FLRT1: variants seen among roughly 807,000 people sequenced by gnomAD.
FLRT1 encodes the protein fibronectin leucine rich transmembrane protein 1.
In FLRT1, 14 loss-of-function variants were observed where a neutral mutation model predicts 30.9. The observed-to-expected ratio is 0.45, with a 90% CI of 0.30 to 0.71. FLRT1 has a LOEUF of 0.71. FLRT1 is among the 30% of genes least tolerant of loss of function. The pLI, the probability that FLRT1 is intolerant of heterozygous loss-of-function variation, is 0.08. For missense variants in FLRT1, 737 were observed against 949.2 expected (o/e 0.78, Z 2.94); for synonymous variants, 368 against 430.4 (o/e 0.85, Z 1.80).
At chr11:64,062,473 A>C (rs1271709602) in intron 1 of FLRT1, among the ~76,000 whole-genome samples, 1 of 152,188 alleles carries the variant, frequency 6.6e-6, no homozygotes, top group Non-Finnish European at 1.5e-5. Flanking sequence ...GGCTGCAGGA[A>C]GCATCACAGA....
intron 1 of FLRT1, among the ~76,000 whole-genome samples, chr11:64,047,170 AC>A (rs1317851987): frequency 7.9e-5 from 12 of 151,636 alleles, no homozygotes; most frequent in Admixed American, 2.0e-4. Flanking sequence ...GCCTGCCTCC[AC>A]CCACCTGTGG....
chr11:64,114,462 T>C (rs988321892), intron 2 of FLRT1, among the ~76,000 whole-genome samples: 10 of 148,998 alleles, frequency 6.7e-5, no homozygotes, highest in Admixed American at 1.3e-4. Context: ...AATGGATGGA[T>C]AGATGGATGG....
intron 1 of FLRT1, among the ~76,000 whole-genome samples, chr11:64,080,528 A>G (rs1590879073): frequency 6.6e-6 from 1 of 152,340 alleles, no homozygotes. Flanking sequence ...AGGGACAAAA[A>G]TAAGCACCTA....
At chr11:64,084,140 C>A (rs1203081336) in intron 1 of FLRT1, among the ~76,000 whole-genome samples, 1 of 152,200 alleles carries the variant, frequency 6.6e-6, no homozygotes, top group East Asian at 1.9e-4. Context: ...TATACCTGTA[C>A]ATGAGTGCAT....
intron 1 of FLRT1, among the ~76,000 whole-genome samples, chr11:64,080,038 A>C (rs1944275487): frequency 6.6e-6 from 1 of 152,134 alleles, no homozygotes; most frequent in Non-Finnish European, 1.5e-5. Flanking sequence ...TTTGAGATGG[A>C]GTCTCACTCT....
In FLRT1 at chr11:64,067,376, G is replaced by C. The variant is rs1053628512; in HGVS notation, c.-1038+31217G>C. 5.3e-5 allele frequency among the ~76,000 whole-genome samples: 8 copies of C among 152,270 alleles called. No homozygotes were observed. The East Asian group carries it at 7.7e-4, about 15-fold the overall frequency. On this transcript the variant is annotated intron_variant, in intron 1 of 2. Transcript: ENST00000682287. This position sits in a 1 kb window ranked among gnomAD's most constrained non-coding sequence, Gnocchi z 4.6. ...ATCGGGCAAAATAGCAGCTGCTGAC[G>C]TGAAAATGAAATATAGATTCAATAC... is the stretch of plus-strand genomic sequence containing the variant.
chr11:64,113,317 G>C (rs922108750), intron 2 of FLRT1, among the ~76,000 whole-genome samples: 1 of 152,236 alleles, frequency 6.6e-6, no homozygotes, highest in African/African-American at 2.4e-5. Context: ...CTACAACAGG[G>C]CCTGGAATAT....
chr11:64,116,720 G>T lies in FLRT1; in HGVS notation c.453G>T (p.Pro151=), dbSNP rs199846270. 1 of 1,613,712 alleles carries T rather than the reference G, an allele frequency of 6.2e-7. No individual in the cohort carries two copies. The highest frequency in any genetic ancestry group is 8.5e-7 in the Non-Finnish European group (1 of 1,180,006). Residue 151 remains proline (P), a synonymous_variant, in exon 3 of 3, where the codon CCG becomes CCT. Transcript: ENST00000682287. The part of the protein sequence containing the change: ...TIARDSLARI[P]LLEKLHLDDN... ...CCAGGGACTCGCTGGCCCGCATCCC[G>T]CTGCTGGAGAAGCTGCACCTGGATG...
At chr11:64,074,738 C>T (rs1018912319) in intron 1 of FLRT1, among the ~76,000 whole-genome samples, 1 of 152,196 alleles carries the variant, frequency 6.6e-6, no homozygotes, top group East Asian at 1.9e-4. Flanking sequence ...GCCCCAGAGG[C>T]CCAGGGGTGA....
intron 1 of FLRT1, among the ~76,000 whole-genome samples, chr11:64,080,370 C>T (rs192595474): frequency 6.6e-6 from 1 of 152,308 alleles, no homozygotes; most frequent in African/African-American, 2.4e-5. Context: ...AGATATAACT[C>T]ACATACCATA....
chr11:64,058,957 C>T (rs535984762), intron 1 of FLRT1, among the ~76,000 whole-genome samples: 7 of 152,274 alleles, frequency 4.6e-5, no homozygotes, highest in Admixed American at 3.3e-4. Context: ...CGTGGGAGGG[C>T]TCCATTTCCC....
At chr11:64,106,751 TCA>T (rs1343630899) in intron 2 of FLRT1, among the ~76,000 whole-genome samples, 3 of 152,206 alleles carry the variant, frequency 2.0e-5, no homozygotes, top group Non-Finnish European at 4.4e-5. Context: ...GCCCGCAGCC[TCA>T]GTCCTGTTCT....
intron 2 of FLRT1, among the ~76,000 whole-genome samples, chr11:64,104,435 C>T (rs954515623): frequency 2.0e-5 from 3 of 152,098 alleles, no homozygotes; most frequent in African/African-American, 7.2e-5. Context: ...GGGCTCTACC[C>T]AGCAGCTGGA....
chr11:64,076,700 TC>T (rs1184873959), intron 1 of FLRT1, among the ~76,000 whole-genome samples: 2 of 152,180 alleles, frequency 1.3e-5, no homozygotes, highest in African/African-American at 4.8e-5. Flanking sequence ...AGGTTGGTCC[TC>T]CATGTTTTCA....
intron 2 of FLRT1, among the ~76,000 whole-genome samples, chr11:64,115,350 C>T (rs985313691): frequency 7.9e-5 from 12 of 151,904 alleles, no homozygotes; most frequent in Admixed American, 1.3e-4. Flanking sequence ...TTTTATTTGT[C>T]TCATTCCTTT....
chr11:64,118,052 G>A lies in FLRT1; in HGVS notation c.1785G>A (p.Arg595=). The change falls in exon 3 of 3, where the codon AGG becomes AGA. Residue 595 remains arginine (R), a synonymous_variant. Coordinates refer to ENST00000682287, the MANE Select transcript of FLRT1 (RefSeq NM_013280.5). The stretch of plus-strand genomic sequence containing the variant: ...AGAGGGCCTACAACCGGGGCAGCAG[G>A]AAAAAGGATGACTATATGGAGTCAG... ...TRERAYNRGS[R]KKDDYMESGT... The A allele has an allele frequency of 6.2e-7, 1 of 1,613,188 alleles. No homozygotes were observed. Among genetic ancestry groups the A allele is most frequent in the Non-Finnish European group, 8.5e-7 (1 of 1,179,772 alleles).
intron 1 of FLRT1, among the ~76,000 whole-genome samples, chr11:64,086,723 G>T (rs968127841): frequency 6.6e-6 from 1 of 152,162 alleles, no homozygotes; most frequent in African/African-American, 2.4e-5. Context: ...AAGAAGGAAG[G>T]TTCTCGTGCT....
At position 64,083,751 on chromosome 11, in the gene FLRT1, C is replaced by T. The variant is rs374692122; in HGVS notation, c.-1037-19443C>T. Among the ~76,000 whole-genome samples, 7 of 152,162 alleles carry T rather than the reference C, an allele frequency of 4.6e-5. No individual in the cohort carries two copies. In the East Asian group the frequency reaches 7.7e-4, roughly 17 times the overall value. On this transcript the variant is annotated intron_variant, in intron 1 of 2. Coordinates refer to ENST00000682287, the MANE Select transcript of FLRT1 (RefSeq NM_013280.5). Reference sequence around the variant, plus strand: ...TCTGCTAGTGTGTGGAATGGGGGTTCGGTGACTCCTGAAGGGCCCCAGCCC... The same window carrying T: ...TCTGCTAGTGTGTGGAATGGGGGTTTGGTGACTCCTGAAGGGCCCCAGCCC...
rs1944317630 is a variant in FLRT1 at position 64,082,269 on chromosome 11, G to T, written c.-1037-20925G>T. Reference sequence around the variant, plus strand: ...TAGCAGAGGATGGCTGAGCCTGGGGGGTGGAGAAAATCTTGCCTCCTGCTC... The same window carrying T: ...TAGCAGAGGATGGCTGAGCCTGGGGTGTGGAGAAAATCTTGCCTCCTGCTC... On this transcript the variant is annotated intron_variant, in intron 1 of 2. Transcript: ENST00000682287. The surrounding 1 kb of genome is among the most constrained non-coding windows in gnomAD (Gnocchi z 4.5). Among the ~76,000 whole-genome samples the T allele has an allele frequency of 6.6e-6, 1 of 152,236 alleles. No homozygotes were observed. Among genetic ancestry groups the T allele is most frequent in the Non-Finnish European group, 1.5e-5 (1 of 68,010 alleles).
Sources: allele counts gnomAD v4.1 joint callset (sites outside exome capture counted in the v4.1 genomes callset), GRCh38; gene constraint gnomAD v4.1.1; non-coding constraint Gnocchi (gnomAD v3.1); transcripts MANE v1.5; gene names NCBI Gene and HGNC (gene_info 2026-07-23, HGNC 2026-07-21).